IST1: variants seen among roughly 807,000 people sequenced by gnomAD.
IST1 encodes the protein IST1 homolog.
IST1 carries 23 observed loss-of-function variants against 37.0 expected under a neutral mutation model. The ratio of observed to expected loss-of-function variants is 0.62; its 90% CI spans 0.45 to 0.88. IST1 has a LOEUF of 0.88. Ranked by LOEUF, IST1 falls within the 40% of genes least tolerant of loss-of-function variation. IST1 has a pLI of 0.00. For missense variants in IST1, 488 were observed against 445.4 expected, an observed-to-expected ratio of 1.10 and a Z score of -0.86; for synonymous variants, 180 against 161.7, an observed-to-expected ratio of 1.11 and a Z score of -0.86.
chr16:71,924,623 T>G (rs765036280), intron 8 of IST1, 146 bp from the exon 9 acceptor site: 85 of 677,064 alleles, frequency 1.3e-4, no homozygotes, highest in Non-Finnish European at 2.1e-4. Context: ...TCTACCTGAT[T>G]GGAAAAAATG....
At chr16:71,919,334 GTTTTC>G (rs150071566) in intron 4 of IST1, among the ~76,000 whole-genome samples, 30,728 of 152,036 alleles carry the variant, frequency 0.2, 3,709 homozygotes, top group Non-Finnish European at 0.28. Context: ...TTGCACTGCT[GTTTTC>G]TTTTCCTGGA....
Position 71,930,093 on chromosome 16 carries a change from C to T in IST1, c.*2280C>T. 6.4e-7 allele frequency: 1 copy of T among 1,551,392 alleles called. No individual in the cohort carries two copies. The highest frequency in any genetic ancestry group is 8.7e-7 in the Non-Finnish European group (1 of 1,146,836). On this transcript the variant is annotated 3_prime_UTR_variant, in exon 10 of 10. Coordinates refer to ENST00000378799, the MANE Select transcript of IST1 (RefSeq NM_001270975.2). Reference sequence around the variant, plus strand: ...TCTTTTCCAAAGGCCATGAGAATGGCCGAAACGAAAAGATTAATTACCACA... The same window carrying T: ...TCTTTTCCAAAGGCCATGAGAATGGTCGAAACGAAAAGATTAATTACCACA...
chr16:71,924,083 A>C, intron 8 of IST1: 5 of 455,002 alleles, frequency 1.1e-5, no homozygotes, highest in South Asian at 7.8e-5. Context: ...TTTGGTTCCC[A>C]TCTGTAGCTG....
upstream of IST1, chr16:71,895,006 C>A: frequency 1.7e-6 from 1 of 587,600 alleles, no homozygotes. Context: ...AAAAGCGGGG[C>A]GGGGGAACGC....
At chr16:71,912,537 T>C (rs2037381254) in intron 1 of IST1, among the ~76,000 whole-genome samples, 1 of 152,162 alleles carries the variant, frequency 6.6e-6, no homozygotes, top group South Asian at 2.1e-4. Flanking sequence ...GCGCCCGGCC[T>C]AAAATATTCT....
chr16:71,929,502 G>T lies in IST1; in HGVS notation c.*1689G>T. ...GCCATGCAAAGATAAGTAGTAATAC[G>T]CTAATAAATACTAAGCCAAGTAGGA... On this transcript the variant is annotated 3_prime_UTR_variant, in exon 10 of 10. Transcript: ENST00000378799. 3 of 1,515,580 alleles carry T rather than the reference G, an allele frequency of 2.0e-6. No individual in the cohort carries two copies. The highest frequency in any genetic ancestry group is 2.7e-6 in the Non-Finnish European group (3 of 1,129,950). The allele number at this position is 1,515,580 out of a possible 1,614,324, so 93.9% of individuals were successfully genotyped here. A position where few individuals can be genotyped will look rare whatever the true frequency, so the allele number is the denominator to read the frequency against.
chr16:71,921,313 C>A lies in IST1; in HGVS notation c.442-30C>A, dbSNP rs752425043. The A allele has an allele frequency of 5.3e-6, 7 of 1,315,290 alleles. No individual in the cohort carries two copies. In the Admixed American group the frequency reaches 1.2e-4, roughly 22 times the overall value. 81.5% of individuals were successfully genotyped at this position (1,315,290 alleles called of 1,614,324 possible). A position where few individuals can be genotyped will look rare whatever the true frequency, so the allele number is the denominator to read the frequency against. On this transcript the variant is annotated intron_variant, in intron 5 of 9. Transcript: ENST00000378799. ...AGGATTAGGCTGGTTGGTATACATG[C>A]ATCTTAGCCCTGGGTCTTTTTACTT...
Position 71,929,807 on chromosome 16 carries a change from G to A in IST1, c.*1994G>A. The stretch of plus-strand genomic sequence containing the variant: ...GATACTATTTCTTTAATAATTTGCA[G>A]TCAGGCATTGGAGTGTTTCCACTAA... On this transcript the variant is annotated 3_prime_UTR_variant, in exon 10 of 10. Coordinates refer to ENST00000378799, the MANE Select transcript of IST1 (RefSeq NM_001270975.2). 1 of 1,062,002 alleles carries A rather than the reference G, an allele frequency of 9.4e-7. No individual in the cohort carries two copies. The highest frequency in any genetic ancestry group is 2.6e-5 in the East Asian group (1 of 38,484). The allele number at this position is 1,062,002 out of a possible 1,614,324, so 65.8% of individuals were successfully genotyped here. A position where few individuals can be genotyped will look rare whatever the true frequency, so the allele number is the denominator to read the frequency against.
chr16:71,921,496 A>T, intron 6 of IST1, 43 bp downstream of exon 6: 2 of 1,208,244 alleles, frequency 1.7e-6, no homozygotes, highest in South Asian at 1.2e-5. Context: ...GTTTGTAGGT[A>T]TGACCTTCTT....
intron 1 of IST1, among the ~76,000 whole-genome samples, chr16:71,909,474 G>A (rs544649290): frequency 4.4e-4 from 67 of 152,274 alleles, no homozygotes; most frequent in Admixed American, 2.6e-3. Flanking sequence ...GCATACATGC[G>A]TCTTCATGGT....
At position 71,922,625 on chromosome 16, in the gene IST1, CCA is replaced by C. The variant is rs1491454514; in HGVS notation, c.705_706del (p.Met236AlafsTer47). 1.6e-5 allele frequency: 26 copies of C among 1,612,008 alleles called. No homozygotes were observed. In the East Asian group the frequency reaches 4.0e-4, roughly 25 times the overall value. ...ACGGTGCCAATGCCCATGCCCATGC[CCA>C]TGCCTATGCCATCTGCAAATACGCC... On this transcript the variant is annotated frameshift_variant, in exon 7 of 10. Coordinates refer to ENST00000378799, the MANE Select transcript of IST1 (RefSeq NM_001270975.2). LOFTEE classifies it high-confidence loss of function.
chr16:71,921,793 A>G, intron 6 of IST1: 2 of 254,398 alleles, frequency 7.9e-6, no homozygotes, highest in Non-Finnish European at 1.5e-5. Flanking sequence ...GGTACCCACC[A>G]TGTGTCTGAT....
intron 1 of IST1, 47 bp downstream of exon 1, chr16:71,895,636 C>A: frequency 1.3e-6 from 1 of 785,662 alleles, no homozygotes; most frequent in Non-Finnish European, 1.5e-6. Context: ...TTCCTCTTCT[C>A]TCTGCGCTCC....
intron 4 of IST1, among the ~76,000 whole-genome samples, chr16:71,919,419 T>C (rs2037531964): frequency 6.6e-6 from 1 of 152,236 alleles, no homozygotes; most frequent in African/African-American, 2.4e-5. Flanking sequence ...GGTCTTGATC[T>C]GTCACCCAGG....
intron 1 of IST1, among the ~76,000 whole-genome samples, chr16:71,901,434 C>T (rs142045701): frequency 0.011 from 1,626 of 152,242 alleles, 76 homozygotes; most frequent in Admixed American, 0.072. Context: ...AGAATGGTCT[C>T]GATCTCCTGA....
chr16:71,898,357 A>ACT (rs1233364266), intron 1 of IST1, among the ~76,000 whole-genome samples: 2 of 112,518 alleles, frequency 1.8e-5, no homozygotes. Flanking sequence ...TGACAGAGAC[A>ACT]CTCTCTCTCT....
intron 1 of IST1, among the ~76,000 whole-genome samples, chr16:71,898,223 A>G (rs1312704970): frequency 6.6e-6 from 1 of 151,234 alleles, no homozygotes; most frequent in East Asian, 2.0e-4. Context: ...AAAAATACAA[A>G]AAAATTAGCC....
At chr16:71,915,465 C>A in intron 1 of IST1, 161 bp from the exon 2 acceptor site, 2 of 537,062 alleles carry the variant, frequency 3.7e-6, no homozygotes, top group South Asian at 2.4e-5. Flanking sequence ...GTTTTTTTTA[C>A]AACAGCCAAA....
intron 1 of IST1, among the ~76,000 whole-genome samples, chr16:71,897,361 T>C (rs1392546744): frequency 6.6e-6 from 1 of 152,180 alleles, no homozygotes; most frequent in Non-Finnish European, 1.5e-5. Context: ...AAAATAGTAT[T>C]ATTATTTTGT....
Sources: gnomAD v4.1 joint callset for allele counts (sites outside exome capture counted in the v4.1 genomes callset) on GRCh38, gnomAD v4.1.1 for gene constraint, MANE v1.5 for transcripts, NCBI Gene and HGNC (gene_info 2026-07-23, HGNC 2026-07-21) for gene names.